MAMDC2: variants seen among roughly 807,000 people sequenced by gnomAD.
MAMDC2 encodes the protein MAM domain-containing protein 2.
Under a neutral mutation model 89.8 loss-of-function variants are expected in MAMDC2, and 57 were observed. The ratio of observed to expected loss-of-function variants is 0.63; its 90% CI spans 0.51 to 0.79. The LOEUF is 0.79. Among genes scored for constraint, MAMDC2 ranks in the 30% least tolerant of loss-of-function variants. MAMDC2 has a pLI of 0.00. For synonymous variants in MAMDC2, 313 were observed against 293.4 expected (o/e 1.07, Z -0.68); for missense variants, 800 against 820.6 (o/e 0.97, Z 0.31).
intron 2 of MAMDC2, among the ~76,000 whole-genome samples, chr9:70,100,575 T>G (rs1256128409): frequency 6.6e-6 from 1 of 152,212 alleles, no homozygotes; most frequent in African/African-American, 2.4e-5. Context: ...CTGTCAGACC[T>G]GCGTCATCAG....
chr9:70,102,086 GTA>G (rs908914029), intron 2 of MAMDC2, among the ~76,000 whole-genome samples: 3 of 150,940 alleles, frequency 2.0e-5, no homozygotes, highest in Admixed American at 2.0e-4. Flanking sequence ...AACATATTTC[GTA>G]TGTGTGTGTG....
At chr9:70,196,986 A>G (rs2032985378) in intron 11 of MAMDC2, among the ~76,000 whole-genome samples, 1 of 152,158 alleles carries the variant, frequency 6.6e-6, no homozygotes, top group African/African-American at 2.4e-5. Flanking sequence ...AAATAGTTGG[A>G]ATTTAAAGTC....
rs1023675524 is a variant in MAMDC2, at chr9:70,088,734, A to G, written c.149-19477A>G. The G allele has an allele frequency of 2.0e-5, 3 of 151,848 alleles. No individual in the cohort carries two copies. The East Asian group carries it at 5.8e-4, about 29-fold the overall frequency. The allele number at this position is 151,848 out of a possible 1,614,324, so 9.4% of individuals were successfully genotyped here. On this transcript the variant is annotated intron_variant, in intron 2 of 13. Transcript: ENST00000377182. ...TGAAACCAACTAAAATAAATGCTAC[A>G]TTTTTCAAAGATGAGTACAGTTAAA... is the stretch of plus-strand genomic sequence containing the variant.
At chr9:70,204,121 G>A (rs935205441) in intron 11 of MAMDC2, among the ~76,000 whole-genome samples, 2 of 152,002 alleles carry the variant, frequency 1.3e-5, no homozygotes, top group Non-Finnish European at 2.9e-5. Flanking sequence ...CTCTGGAGGA[G>A]GAGAGACGCT....
At chr9:70,104,753 A>C (rs1458155228) in intron 2 of MAMDC2, among the ~76,000 whole-genome samples, 1 of 152,168 alleles carries the variant, frequency 6.6e-6, no homozygotes, top group Non-Finnish European at 1.5e-5. Flanking sequence ...GGCAGACAGA[A>C]AGTAGATTTG....
chr9:70,135,183 A>T lies in MAMDC2; in HGVS notation c.994+3571A>T, dbSNP rs189844241. 1.6e-3 allele frequency among the ~76,000 whole-genome samples: 242 copies of T among 152,360 alleles called. 4 individuals carry two copies. The highest frequency in any genetic ancestry group is 0.015 in the Admixed American group (237 of 15,308). On this transcript the variant is annotated intron_variant, in intron 7 of 13. Transcript: ENST00000377182. ...ATGATGCTTTTTGGTAAGTTGCTTA[A>T]AGGGGCTTTAGTTCTTTTTTCTTTT...
chr9:70,183,472 T>G (rs1052132538), intron 11 of MAMDC2, among the ~76,000 whole-genome samples: 1 of 152,168 alleles, frequency 6.6e-6, no homozygotes, highest in Non-Finnish European at 1.5e-5. Context: ...TTACTGTGTG[T>G]GAGTCTAAGT....
intron 10 of MAMDC2, 52 bp from the exon 11 acceptor site, chr9:70,170,427 C>G: frequency 1.3e-6 from 2 of 1,547,432 alleles, no homozygotes; most frequent in Non-Finnish European, 1.7e-6. Flanking sequence ...GCTAGCAACA[C>G]AGAGTCATTG....
chr9:70,054,281 A>G (rs1230323060), intron 2 of MAMDC2, among the ~76,000 whole-genome samples: 1 of 152,200 alleles, frequency 6.6e-6, no homozygotes, highest in East Asian at 1.9e-4. Context: ...TAACAGCAGG[A>G]GGCTAAGAAA....
intron 9 of MAMDC2, among the ~76,000 whole-genome samples, chr9:70,158,360 A>C (rs1426544290): frequency 6.6e-6 from 1 of 152,028 alleles, no homozygotes; most frequent in Non-Finnish European, 1.5e-5. Context: ...TATACTGTAC[A>C]CTGTTTGTAT....
At chr9:70,117,289 C>A (rs993179427) in intron 5 of MAMDC2, among the ~76,000 whole-genome samples, 21 of 152,128 alleles carry the variant, frequency 1.4e-4, no homozygotes, top group African/African-American at 4.8e-4. Context: ...GAATACTATG[C>A]AGCTATAAAG....
At chr9:70,157,007 G>A (rs958466303) in intron 9 of MAMDC2, among the ~76,000 whole-genome samples, 1 of 152,148 alleles carries the variant, frequency 6.6e-6, no homozygotes, top group African/African-American at 2.4e-5. Flanking sequence ...ATGGAACATT[G>A]TTGGATCAGC....
intron 11 of MAMDC2, among the ~76,000 whole-genome samples, chr9:70,208,035 C>G (rs1364345449): frequency 6.6e-6 from 1 of 152,098 alleles, no homozygotes; most frequent in East Asian, 1.9e-4. Flanking sequence ...GTTACTGTAG[C>G]CTTGTAGTAT....
At chr9:70,141,442 A>G (rs1259367670) in intron 8 of MAMDC2, among the ~76,000 whole-genome samples, 2 of 152,176 alleles carry the variant, frequency 1.3e-5, no homozygotes, top group East Asian at 1.9e-4. Context: ...CTGGCAGACA[A>G]TCTTTTCAAA....
chr9:70,163,617 G>A (rs1033565691), intron 9 of MAMDC2, among the ~76,000 whole-genome samples: 1 of 152,104 alleles, frequency 6.6e-6, no homozygotes, highest in African/African-American at 2.4e-5. Context: ...GTCTTGTTCT[G>A]AGTGGAGAGA....
intron 2 of MAMDC2, among the ~76,000 whole-genome samples, chr9:70,072,340 T>G (rs1186469329): frequency 6.6e-6 from 1 of 152,152 alleles, no homozygotes; most frequent in Non-Finnish European, 1.5e-5. Context: ...AAAGCCCAAG[T>G]TTCCAATGAG....
chr9:70,208,052 C>A (rs2033266895), intron 11 of MAMDC2, among the ~76,000 whole-genome samples: 1 of 152,090 alleles, frequency 6.6e-6, no homozygotes, highest in African/African-American at 2.4e-5. Context: ...GTATAGTTTG[C>A]AGTCCGGTAG....
chr9:70,184,466 T>G (rs1339204153), intron 11 of MAMDC2, among the ~76,000 whole-genome samples: 2 of 152,226 alleles, frequency 1.3e-5, no homozygotes, highest in South Asian at 4.1e-4. Flanking sequence ...GATAATACCA[T>G]GAAGTATGTT....
intron 11 of MAMDC2, among the ~76,000 whole-genome samples, chr9:70,171,666 C>T (rs921497250): frequency 3.9e-5 from 6 of 152,066 alleles, no homozygotes; most frequent in Non-Finnish European, 8.8e-5. Flanking sequence ...CATGAATTCT[C>T]CTAGAGAAAC....
Sources: allele counts gnomAD v4.1 joint callset (sites outside exome capture counted in the v4.1 genomes callset), GRCh38; gene constraint gnomAD v4.1.1; transcripts MANE v1.5; gene names NCBI Gene and HGNC (gene_info 2026-07-23, HGNC 2026-07-21).